Variants in GSE1 observed in about 807,000 individuals in gnomAD.
GSE1 encodes the protein genetic suppressor element 1.
GSE1 carries 32 observed loss-of-function variants against 112.6 expected under a neutral mutation model. The observed-to-expected ratio is 0.28, with a 90% CI of 0.21 to 0.38. The LOEUF is 0.38. Ranked by LOEUF, GSE1 falls within the 10% of genes least tolerant of loss-of-function variation. GSE1 has a pLI of 1.00. For missense variants in GSE1, 2,348 were observed against 1,699.2 expected (o/e 1.38, Z -6.71); for synonymous variants, 1,115 against 735.6 (o/e 1.52, Z -8.35).
rs1357477286 is a variant in GSE1, at chr16:85,311,654, C to G, written c.2284-45809C>G. Among the ~76,000 whole-genome samples the G allele has an allele frequency of 6.6e-6, 1 of 152,174 alleles. No individual in the cohort carries two copies. The highest frequency in any genetic ancestry group is 1.5e-5 in the Non-Finnish European group (1 of 68,012). ...CTCCAGGGCCCCTTGGGCTGTGTAC[C>G]TGGGCCTGGTGGCTCTGTCTGTGGC... On this transcript the variant is annotated intron_variant, in intron 1 of 2. Transcript: ENST00000637419. This position sits in a 1 kb window ranked among gnomAD's most constrained non-coding sequence, Gnocchi z 4.2.
At chr16:85,671,156 A>G in intron 15 of GSE1, 58 bp downstream of exon 15, 1 of 982,844 alleles carries the variant, frequency 1.0e-6, no homozygotes, top group Non-Finnish European at 1.6e-6. Context: ...TTGGGTTCAG[A>G]AACACCCATG....
chr16:85,547,927 T>G (rs1379918385), intron 2 of GSE1, among the ~76,000 whole-genome samples: 4 of 149,766 alleles, frequency 2.7e-5, no homozygotes, highest in Non-Finnish European at 4.4e-5. Context: ...TTTCTTTTCT[T>G]TATTCTAGAA....
At chr16:85,576,514 C>T (rs1057166937) in intron 1 of GSE1, among the ~76,000 whole-genome samples, 3 of 152,172 alleles carry the variant, frequency 2.0e-5, no homozygotes, top group Non-Finnish European at 4.4e-5. Flanking sequence ...CTCGGATCAC[C>T]TGACATCTGG....
At position 85,410,461 on chromosome 16, in the gene GSE1, GC is replaced by G. The variant is rs538054603; in HGVS notation, c.2464+52824del. 8.5e-4 allele frequency among the ~76,000 whole-genome samples: 8 copies of G among 9,394 alleles called. 2 individuals carry two copies. The East Asian group carries it at 0.021, about 24-fold the overall frequency. The allele number at this position is 9,394 out of a possible 152,430, so 6.2% of individuals were successfully genotyped here. A position where few individuals can be genotyped will look rare whatever the true frequency, so the allele number is the denominator to read the frequency against. On this transcript the variant is annotated intron_variant, in intron 2 of 2. Transcript: ENST00000637419. ...GATAATCCTCACTGTTACACTCAGG[GC>G]CCCCCTGGATAATGCTCACTGTTAC...
intron 2 of GSE1, among the ~76,000 whole-genome samples, chr16:85,398,615 C>T (rs1024849880): frequency 5.9e-5 from 9 of 152,116 alleles, no homozygotes; most frequent in African/African-American, 1.7e-4. Flanking sequence ...TCCGACAAAC[C>T]GCTGCATGAC....
chr16:85,574,021 G>A (rs764804181), intron 1 of GSE1, among the ~76,000 whole-genome samples: 1 of 152,206 alleles, frequency 6.6e-6, no homozygotes. Flanking sequence ...CTCAGCCCCC[G>A]CGGGGACTGG....
chr16:85,408,486 G>A (rs1383944013), intron 2 of GSE1, among the ~76,000 whole-genome samples: 2 of 54,614 alleles, frequency 3.7e-5, no homozygotes, highest in African/African-American at 1.6e-4. Context: ...TTACTCTCAG[G>A]GCACCTGGAT....
chr16:85,662,673 C>T (rs1598666852), intron 9 of GSE1: 2 of 355,860 alleles, frequency 5.6e-6, no homozygotes, highest in East Asian at 5.3e-5. Context: ...TTGCCGTGGA[C>T]ACAGCCCCAG....
intron 2 of GSE1, among the ~76,000 whole-genome samples, chr16:85,383,747 G>T (rs539809853): frequency 1.3e-5 from 2 of 152,298 alleles, no homozygotes; most frequent in South Asian, 4.1e-4. Context: ...GAGGGTGGCT[G>T]ACCCTGGCAG....
rs1435929901 is a variant in GSE1 at position 85,440,195 on chromosome 16, C to T, written c.2464+82552C>T. Among the ~76,000 whole-genome samples, 7 of 152,316 alleles carry T rather than the reference C, an allele frequency of 4.6e-5. 1 individual carries two copies. In the South Asian group the frequency reaches 6.2e-4, roughly 14 times the overall value. On this transcript the variant is annotated intron_variant, in intron 2 of 2. Coordinates refer to the GSE1 transcript ENST00000637419. ...GAACCGTGTCTTGACTCAGCAACACCGGGACCAGTGGGGTCTGGAGGTGAG... is the reference window on the plus strand; with the variant it reads ...GAACCGTGTCTTGACTCAGCAACACTGGGACCAGTGGGGTCTGGAGGTGAG...
intron 3 of GSE1, among the ~76,000 whole-genome samples, chr16:85,651,163 G>A (rs1340457916): frequency 2.0e-5 from 3 of 149,182 alleles, no homozygotes; most frequent in Non-Finnish European, 3.0e-5. Flanking sequence ...CCACAGATGC[G>A]CCCTGATGCG....
intron 2 of GSE1, among the ~76,000 whole-genome samples, chr16:85,428,351 C>T (rs1008403283): frequency 2.0e-5 from 3 of 152,226 alleles, no homozygotes; most frequent in Non-Finnish European, 4.4e-5. Context: ...TCAGGCATGG[C>T]ATGGCTCTAA....
At chr16:85,625,826 G>A (rs1408615271) in intron 1 of GSE1, among the ~76,000 whole-genome samples, 2 of 152,276 alleles carry the variant, frequency 1.3e-5, no homozygotes, top group South Asian at 2.1e-4. Context: ...GGTTGACCGG[G>A]GCCCTGGAGG....
rs376390313 is a variant in GSE1 at position 85,668,229 on chromosome 16, G to T, written c.3220G>T (p.Ala1074Ser). The T allele has an allele frequency of 1.1e-5, 17 of 1,610,196 alleles. No individual in the cohort carries two copies. The African/African-American group carries it at 2.0e-4, about 19-fold the overall frequency. Residue 1074 changes from alanine to serine, a missense_variant, in exon 14 of 16, where the codon GCC (alanine) becomes TCC (serine). By Grantham distance (99) the Ala-to-Ser change is moderately conservative (BLOSUM62 1). Transcript: ENST00000253458. ...NIPELQSSSRAPPPQHNGQQE... is the reference protein window; with the variant it reads ...NIPELQSSSRSPPPQHNGQQE... ...TCCTGAGCTGCAGTCCTCCAGCCGC[G>T]CCCCTCCACCCCAGCACAATGGGCA...
At chr16:85,582,284 G>C (rs541219952) in intron 1 of GSE1, 1 of 152,252 alleles carries the variant, frequency 6.6e-6, no homozygotes, top group Non-Finnish European at 1.5e-5. Flanking sequence ...AGAAGGGAGC[G>C]TGCCAGTATT....
At chr16:85,583,528 AAC>A (rs111647991) in intron 1 of GSE1, 52 of 147,932 alleles carry the variant, frequency 3.5e-4, no homozygotes, top group South Asian at 6.3e-4. Flanking sequence ...CACACACACA[AAC>A]ACACACACAC....
At chr16:85,422,618 AG>A (rs1378329607) in intron 2 of GSE1, among the ~76,000 whole-genome samples, 10 of 150,372 alleles carry the variant, frequency 6.7e-5, no homozygotes, top group Admixed American at 1.3e-4. Flanking sequence ...GGAGAGAGAA[AG>A]GGGCAGGAGA....
chr16:85,572,427 CACAGCACAT>C (rs2046039739), intron 1 of GSE1, among the ~76,000 whole-genome samples: 3 of 149,052 alleles, frequency 2.0e-5, no homozygotes. Context: ...ACCACACACA[CACAGCACAT>C]ACAACACACA....
In GSE1 at chr16:85,627,044, C is replaced by CTTTTTTTTTTT. The variant is rs564272210; in HGVS notation, c.8-6848_8-6838dup. On this transcript the variant is annotated intron_variant, in intron 1 of 15. Transcript: ENST00000253458. ...GGACTTTGCTTCCTTTTCTTCTTGC[C>CTTTTTTTTTTT]TTTTTTTTTTTTTTTTTTTTTTTTT... 9.4e-3 allele frequency among the ~76,000 whole-genome samples: 236 copies of CTTTTTTTTTTT among 25,062 alleles called. 42 individuals are homozygous for CTTTTTTTTTTT. Among genetic ancestry groups the CTTTTTTTTTTT allele is most frequent in the African/African-American group, 0.017 (108 of 6,378 alleles). 16.4% of individuals were successfully genotyped at this position (25,062 alleles called of 152,430 possible).
Sources: allele counts gnomAD v4.1 joint callset (sites outside exome capture counted in the v4.1 genomes callset), GRCh38; gene constraint gnomAD v4.1.1; non-coding constraint Gnocchi (gnomAD v3.1); transcripts MANE v1.5; gene names NCBI Gene and HGNC (gene_info 2026-07-23, HGNC 2026-07-21).